Variants in VIT observed in about 807,000 individuals in gnomAD.
VIT encodes the protein vitrin.
VIT carries 99 observed loss-of-function variants against 78.0 expected under a neutral mutation model. That is an observed-to-expected ratio of 1.27 (90% CI 1.08 to 1.50). VIT has a LOEUF of 1.50. Among genes scored for constraint, VIT ranks in the 40% most tolerant of loss-of-function variants. The pLI is 0.00. For missense variants in VIT, 1,126 were observed against 875.3 expected (o/e 1.29, Z -3.61); for synonymous variants, 374 against 334.3 (o/e 1.12, Z -1.29).
At position 36,784,227 on chromosome 2, in the gene VIT, G is replaced by A. The variant is rs143411913; in HGVS notation, c.910+825G>A. The stretch of plus-strand genomic sequence containing the variant: ...TGGAAAGAAAGCACCTGCATATTCC[G>A]CTAGAAAGTCACTACTAGTCAGCCA... On this transcript the variant is annotated intron_variant, in intron 11 of 15. Transcript: ENST00000379242. Among the ~76,000 whole-genome samples, 14 of 152,282 alleles carry A rather than the reference G, an allele frequency of 9.2e-5. No homozygotes were observed. The East Asian group carries it at 1.7e-3, about 19-fold the overall frequency.
intron 2 of VIT, among the ~76,000 whole-genome samples, chr2:36,723,999 T>C (rs1214774408): frequency 6.6e-6 from 1 of 151,222 alleles, no homozygotes; most frequent in Non-Finnish European, 1.5e-5. Flanking sequence ...TTATTTATGT[T>C]ATTCAAAACT....
At chr2:36,729,319 CT>C (rs1667050260) in intron 2 of VIT, 106 bp from the exon 3 acceptor site, 6 of 924,766 alleles carry the variant, frequency 6.5e-6, no homozygotes, top group Middle Eastern at 3.6e-4. Flanking sequence ...AAAATTAGTT[CT>C]GCCATGGAGA....
At chr2:36,699,626 GTAGATAGA>G (rs10530448) in intron 1 of VIT, among the ~76,000 whole-genome samples, 63 of 141,976 alleles carry the variant, frequency 4.4e-4, no homozygotes, top group African/African-American at 9.3e-4. Flanking sequence ...AGATATATAG[GTAGATAGA>G]TAGATAGATA....
At chr2:36,801,237 C>T in intron 12 of VIT, 64 bp from the exon 13 acceptor site, 1 of 1,400,100 alleles carries the variant, frequency 7.1e-7, no homozygotes. Flanking sequence ...CAACCATGAT[C>T]TCTGCCTTCC....
intron 7 of VIT, among the ~76,000 whole-genome samples, chr2:36,770,009 A>G (rs550597480): frequency 6.6e-6 from 1 of 152,346 alleles, no homozygotes; most frequent in Non-Finnish European, 1.5e-5. Flanking sequence ...AAATCTCCTT[A>G]TACTGTGATA....
chr2:36,765,087 GA>G (rs1293053394), intron 6 of VIT, among the ~76,000 whole-genome samples: 1 of 152,020 alleles, frequency 6.6e-6, no homozygotes, highest in Admixed American at 6.5e-5. Flanking sequence ...TCCTTATATG[GA>G]AAAAATGTGG....
intron 4 of VIT, 111 bp from the exon 5 acceptor site, chr2:36,754,810 C>A (rs757928249): frequency 3.4e-5 from 43 of 1,277,664 alleles, no homozygotes; most frequent in Non-Finnish European, 4.6e-5. Context: ...CTTTGCTTAA[C>A]CTTGCTGCTT....
intron 9 of VIT, among the ~76,000 whole-genome samples, chr2:36,779,175 C>G (rs1225970822): frequency 6.6e-6 from 1 of 152,196 alleles, no homozygotes; most frequent in African/African-American, 2.4e-5. Flanking sequence ...CCCCGAGGTG[C>G]TGAAGCGATG....
intron 14 of VIT, among the ~76,000 whole-genome samples, chr2:36,807,664 G>A (rs1012224744): frequency 6.6e-5 from 10 of 152,150 alleles, no homozygotes; most frequent in African/African-American, 2.2e-4. Context: ...GAAACACCAC[G>A]CCTTGGGAAC....
At chr2:36,727,848 G>A (rs953341393) in intron 2 of VIT, among the ~76,000 whole-genome samples, 3 of 152,238 alleles carry the variant, frequency 2.0e-5, no homozygotes, top group African/African-American at 4.8e-5. Flanking sequence ...CCAAATAAAT[G>A]TATAGCACAT....
At chr2:36,746,963 C>A (rs145273580) in intron 4 of VIT, among the ~76,000 whole-genome samples, 7 of 151,982 alleles carry the variant, frequency 4.6e-5, no homozygotes, top group Non-Finnish European at 8.8e-5. Context: ...CCACTCAAAA[C>A]GCTTTCACTG....
At chr2:36,772,491 T>C (rs1443244334) in intron 7 of VIT, among the ~76,000 whole-genome samples, 2 of 151,998 alleles carry the variant, frequency 1.3e-5, no homozygotes, top group African/African-American at 2.4e-5. Flanking sequence ...GCCGAGATCA[T>C]GCCATTGCAC....
chr2:36,792,015 A>G (rs568269787), intron 12 of VIT, among the ~76,000 whole-genome samples: 4 of 152,160 alleles, frequency 2.6e-5, no homozygotes, highest in Non-Finnish European at 4.4e-5. Context: ...TACAGCACCC[A>G]CCCTCAGACT....
At chr2:36,759,351 A>G in intron 6 of VIT, 1 of 1,416,650 alleles carries the variant, frequency 7.1e-7, no homozygotes, top group Non-Finnish European at 9.2e-7. Flanking sequence ...ATGACATGAC[A>G]TTCTGTCCGG....
intron 15 of VIT, among the ~76,000 whole-genome samples, chr2:36,810,433 T>C (rs1300683611): frequency 6.6e-6 from 1 of 152,230 alleles, no homozygotes; most frequent in Non-Finnish European, 1.5e-5. Flanking sequence ...TTGCAGAATT[T>C]ATGTATAATC....
At chr2:36,761,792 G>A (rs561520784) in intron 6 of VIT, among the ~76,000 whole-genome samples, 13 of 152,130 alleles carry the variant, frequency 8.5e-5, no homozygotes, top group African/African-American at 2.6e-4. Flanking sequence ...TTCAGCTTTG[G>A]GCCGTATCTG....
chr2:36,759,695 T>C, intron 6 of VIT: 1 of 986,046 alleles, frequency 1.0e-6, no homozygotes, highest in Non-Finnish European at 1.2e-6. Context: ...TTTGCATTGC[T>C]TCCAGAAACT....
chr2:36,804,796 C>T (rs1483850435), intron 13 of VIT, among the ~76,000 whole-genome samples: 1 of 151,432 alleles, frequency 6.6e-6, no homozygotes, highest in Non-Finnish European at 1.5e-5. Context: ...TGCCACTGCA[C>T]TCCAGCCTGG....
At chr2:36,812,633 T>C (rs138712755) in intron 15 of VIT, among the ~76,000 whole-genome samples, 31 of 152,158 alleles carry the variant, frequency 2.0e-4, no homozygotes, top group African/African-American at 7.0e-4. Flanking sequence ...CATGCTCCAG[T>C]TCCTCCCTCC....
Sources: allele counts gnomAD v4.1 joint callset (sites outside exome capture counted in the v4.1 genomes callset), GRCh38; gene constraint gnomAD v4.1.1; transcripts MANE v1.5; gene names NCBI Gene and HGNC (gene_info 2026-07-23, HGNC 2026-07-21).